Variants in ADK observed in about 807,000 individuals in gnomAD.
ADK encodes the protein N6,N6-dimethyladenosine kinase.
A neutral mutation model predicts 44.7 loss-of-function variants in ADK; 24 were observed. The ratio of observed to expected loss-of-function variants is 0.54; its 90% confidence interval spans 0.39 to 0.76. The LOEUF (loss-of-function observed/expected upper bound fraction) is 0.76. ADK is among the 30% of genes least tolerant of loss of function. The probability of loss-of-function intolerance (pLI) is 0.00; values close to 1 mark genes in which losing one functional copy is unlikely to be tolerated. For synonymous variants in ADK, 128 were observed against 142.6 expected (o/e 0.90, Z 0.73); for missense variants, 321 against 425.1 (o/e 0.76, Z 2.15).
intron 3 of ADK, among the ~76,000 whole-genome samples, chr10:74,296,390 A>G (rs1284966015): frequency 6.6e-6 from 1 of 152,130 alleles, no homozygotes; most frequent in Non-Finnish European, 1.5e-5. Context: ...GTTAATATTA[A>G]TGGCAGTAAA....
At chr10:74,199,550 T>C (rs1843298242) in intron 1 of ADK, among the ~76,000 whole-genome samples, 1 of 152,218 alleles carries the variant, frequency 6.6e-6, no homozygotes, top group African/African-American at 2.4e-5. Context: ...TAGTATTCCA[T>C]GGTGTATATG....
chr10:74,200,677 T>G (rs1042318534), intron 1 of ADK, 87 bp from the exon 2 acceptor site: 2 of 876,602 alleles, frequency 2.3e-6, no homozygotes, highest in Non-Finnish European at 3.7e-6. Context: ...CAGGTTGAAA[T>G]GAAGATAGTT....
chr10:74,433,027 A>G lies in ADK; in HGVS notation c.555+34448A>G, dbSNP rs115960508. 6.0e-4 allele frequency among the ~76,000 whole-genome samples: 92 copies of G among 152,280 alleles called. 1 individual carries two copies. Among genetic ancestry groups the G allele is most frequent in the African/African-American group, 2.1e-3 (86 of 41,554 alleles). Reference sequence around the variant, plus strand: ...TACTAAGTGACTCAGCAGTAGCTCTATGTATCTTTTAGTTGGAAATGCCTT... The same window carrying G: ...TACTAAGTGACTCAGCAGTAGCTCTGTGTATCTTTTAGTTGGAAATGCCTT... On this transcript the variant is annotated intron_variant, in intron 6 of 10. Coordinates refer to ENST00000539909, the MANE Select transcript of ADK (RefSeq NM_006721.4).
Position 74,184,864 on chromosome 10 carries a change from C to G in ADK, c.66-15900C>G, listed in dbSNP as rs140105542. On this transcript the variant is annotated intron_variant, in intron 1 of 10. Coordinates refer to ENST00000539909, the MANE Select transcript of ADK (RefSeq NM_006721.4). ...GACCATAAGATAATGGAATTTTGGCCTATTTTGGGTACATTTGGATGTTTT... is the reference window on the plus strand; with the variant it reads ...GACCATAAGATAATGGAATTTTGGCGTATTTTGGGTACATTTGGATGTTTT... 3.5e-3 allele frequency among the ~76,000 whole-genome samples: 535 copies of G among 152,174 alleles called. 6 individuals are homozygous for G. The highest frequency in any genetic ancestry group is 0.012 in the African/African-American group (499 of 41,504).
At chr10:74,315,898 A>G (rs540097875) in intron 4 of ADK, among the ~76,000 whole-genome samples, 5 of 152,276 alleles carry the variant, frequency 3.3e-5, no homozygotes, top group African/African-American at 1.2e-4. Flanking sequence ...TGTTTTTGGT[A>G]AAACATCCTG....
At chr10:74,575,164 T>G (rs1851141316) in intron 7 of ADK, among the ~76,000 whole-genome samples, 1 of 152,208 alleles carries the variant, frequency 6.6e-6, no homozygotes, top group African/African-American at 2.4e-5. Context: ...CTTCTTTGCT[T>G]AATGTAGGTG....
chr10:74,340,541 A>C (rs1841549439), intron 4 of ADK, among the ~76,000 whole-genome samples: 1 of 152,196 alleles, frequency 6.6e-6, no homozygotes, highest in South Asian at 2.1e-4. Flanking sequence ...CTTTGATTAA[A>C]AAGAATAGAA....
rs367962516 is a variant in ADK at position 74,263,502 on chromosome 10, A to G, written c.194+38911A>G. Reference sequence around the variant, plus strand: ...ACTAGCAGTACTAAAACAAACACCCATGTACCCAATCTGTCAACACTTAGA... The same window carrying G: ...ACTAGCAGTACTAAAACAAACACCCGTGTACCCAATCTGTCAACACTTAGA... On this transcript the variant is annotated intron_variant, in intron 3 of 10. Coordinates refer to ENST00000539909, the MANE Select transcript of ADK (RefSeq NM_006721.4). Among the ~76,000 whole-genome samples, 36 of 152,322 alleles carry G rather than the reference A, an allele frequency of 2.4e-4. No individual in the cohort carries two copies. The East Asian group carries it at 4.0e-3, about 17-fold the overall frequency.
chr10:74,166,672 G>A (rs1218629727), intron 1 of ADK, among the ~76,000 whole-genome samples: 2 of 125,722 alleles, frequency 1.6e-5, no homozygotes, highest in African/African-American at 6.4e-5. Flanking sequence ...GGGTGACAAA[G>A]TGAGACTCCG....
chr10:74,261,978 C>T (rs1458977056), intron 3 of ADK, among the ~76,000 whole-genome samples: 1 of 151,878 alleles, frequency 6.6e-6, no homozygotes, highest in East Asian at 1.9e-4. Flanking sequence ...TTTTATTAGC[C>T]AGTTTTCTAT....
chr10:74,398,911 C>T (rs1843616257), intron 6 of ADK, among the ~76,000 whole-genome samples: 1 of 152,012 alleles, frequency 6.6e-6, no homozygotes, highest in South Asian at 2.1e-4. Flanking sequence ...CATTTGTAGG[C>T]AACTTGCATT....
At chr10:74,627,786 C>G (rs1269421841) in intron 9 of ADK, among the ~76,000 whole-genome samples, 1 of 152,124 alleles carries the variant, frequency 6.6e-6, no homozygotes, top group Non-Finnish European at 1.5e-5. Context: ...GTATACATCA[C>G]CTCACCTGGC....
chr10:74,476,197 C>T (rs1589149500), intron 6 of ADK, among the ~76,000 whole-genome samples: 1 of 152,014 alleles, frequency 6.6e-6, no homozygotes, highest in Admixed American at 6.5e-5. Flanking sequence ...CATATAAAGT[C>T]GTTTAAAAAT....
intron 9 of ADK, among the ~76,000 whole-genome samples, chr10:74,666,273 A>G (rs1270263485): frequency 6.6e-6 from 1 of 152,176 alleles, no homozygotes; most frequent in East Asian, 1.9e-4. Context: ...GATGCCTAAA[A>G]TTGATTATTT....
chr10:74,264,521 G>T (rs931998889), intron 3 of ADK, among the ~76,000 whole-genome samples: 6 of 151,198 alleles, frequency 4.0e-5, no homozygotes, highest in African/African-American at 1.5e-4. Flanking sequence ...AGTTTTTTTT[G>T]TATTTTATGG....
At chr10:74,304,893 C>T (rs1297802888) in intron 3 of ADK, among the ~76,000 whole-genome samples, 1 of 152,098 alleles carries the variant, frequency 6.6e-6, no homozygotes, top group Non-Finnish European at 1.5e-5. Flanking sequence ...CTGTGTTTTA[C>T]AAATGAGGAA....
At chr10:74,583,011 T>A (rs77848942) in intron 7 of ADK, among the ~76,000 whole-genome samples, 1 of 152,180 alleles carries the variant, frequency 6.6e-6, no homozygotes, top group African/African-American at 2.4e-5. Flanking sequence ...AAGTTTTTCC[T>A]TATCAGAAAT....
chr10:74,180,161 C>T (rs1005552469), intron 1 of ADK, among the ~76,000 whole-genome samples: 8 of 151,556 alleles, frequency 5.3e-5, no homozygotes, highest in Admixed American at 1.3e-4. Context: ...TCTTGGGCCC[C>T]ACTGAGGGCC....
At chr10:74,312,593 T>C (rs1840473041) in intron 3 of ADK, among the ~76,000 whole-genome samples, 1 of 151,794 alleles carries the variant, frequency 6.6e-6, no homozygotes, top group South Asian at 2.1e-4. Flanking sequence ...TCCATAGAGA[T>C]GCAAATACTG....
Sources: allele counts gnomAD v4.1 joint callset (sites outside exome capture counted in the v4.1 genomes callset), GRCh38; gene constraint gnomAD v4.1.1; transcripts MANE v1.5; gene names NCBI Gene and HGNC (gene_info 2026-07-23, HGNC 2026-07-21).